The following NDRG1 variants were observed in gnomAD, a reference collection of about 807,000 sequenced individuals.
NDRG1 encodes the protein protein NDRG1.
Under a neutral mutation model 56.9 loss-of-function variants are expected in NDRG1, and 32 were observed. The observed-to-expected ratio is 0.56, with a 90% CI of 0.42 to 0.76. The LOEUF (loss-of-function observed/expected upper bound fraction) is 0.76, where lower values mean the gene tolerates loss of function less well. Among genes scored for constraint, NDRG1 ranks in the 30% least tolerant of loss-of-function variants. The probability of loss-of-function intolerance (pLI) is 0.00; values close to 1 mark genes in which losing one functional copy is unlikely to be tolerated. For missense variants in NDRG1, 507 were observed against 545.7 expected, an observed-to-expected ratio of 0.93 and a Z score of 0.71; for synonymous variants, 211 against 204.1, an observed-to-expected ratio of 1.03 and a Z score of -0.29.
intron 9 of NDRG1, among the ~76,000 whole-genome samples, chr8:133,252,038 C>G (rs1185656712): frequency 6.6e-6 from 1 of 152,318 alleles, no homozygotes; most frequent in African/African-American, 2.4e-5. Flanking sequence ...GGCGGCCCTG[C>G]CAGCGCTTGA....
rs367999203 is a variant in NDRG1 at position 133,246,603 on chromosome 8, G to A, written c.855+13C>T. The A allele has an allele frequency of 3.7e-6, 6 of 1,613,852 alleles. No individual in the cohort carries two copies. In the African/African-American group the frequency reaches 8.0e-5, roughly 22 times the overall value. On this transcript the variant is annotated intron_variant, in intron 13 of 15. Coordinates refer to ENST00000323851, the MANE Select transcript of NDRG1 (RefSeq NM_006096.4). Reference sequence around the variant, plus strand: ...GAAATAACAAACACGAACCCCCACTGTTTTCCCTGTACCTTGAGGAGAGTG... The same window carrying A: ...GAAATAACAAACACGAACCCCCACTATTTTCCCTGTACCTTGAGGAGAGTG...
intron 13 of NDRG1, 67 bp downstream of exon 13, chr8:133,246,549 T>G (rs1041672850): frequency 1.3e-6 from 2 of 1,512,752 alleles, no homozygotes; most frequent in African/African-American, 2.7e-5. Flanking sequence ...CCTAACTCAA[T>G]GTTGCAGAAA....
At position 133,295,870 on chromosome 8, in the gene NDRG1, A is replaced by T. The variant is rs547905039; in HGVS notation, c.-19+1264T>A. ...AAACCAAACAAACTGAAGTGCCCCC[A>T]GCGTCCGTGAGGAAGGGGTGTTCTT... is the stretch of plus-strand genomic sequence containing the variant. On this transcript the variant is annotated intron_variant, in intron 1 of 15. Coordinates refer to ENST00000323851, the MANE Select transcript of NDRG1 (RefSeq NM_006096.4). 2.6e-5 allele frequency among the ~76,000 whole-genome samples: 4 copies of T among 152,254 alleles called. No individual in the cohort carries two copies. The South Asian group carries it at 8.3e-4, about 32-fold the overall frequency.
At position 133,266,031 on chromosome 8, in the gene NDRG1, G is replaced by T. The variant is rs750532427; in HGVS notation, c.100-1379C>A. On this transcript the variant is annotated intron_variant, in intron 3 of 15. Coordinates refer to ENST00000323851, the MANE Select transcript of NDRG1 (RefSeq NM_006096.4). ...CAAGGCCATCAGGCTGCTGAGACCT[G>T]CCAGGTGTCAAGGCAGTGCTGAACC... Among the ~76,000 whole-genome samples, 5 of 152,276 alleles carry T rather than the reference G, an allele frequency of 3.3e-5. No individual in the cohort carries two copies. In the South Asian group the frequency reaches 1.0e-3, roughly 31 times the overall value.
intron 3 of NDRG1, 170 bp from the exon 4 acceptor site, chr8:133,264,822 G>C (rs560705821): frequency 1.3e-4 from 87 of 674,096 alleles, no homozygotes; most frequent in African/African-American, 1.2e-3. Context: ...CCACTCCAAG[G>C]ACCAGGGCTA....
intron 3 of NDRG1, among the ~76,000 whole-genome samples, chr8:133,277,699 G>C (rs537526833): frequency 6.6e-6 from 1 of 152,342 alleles, no homozygotes; most frequent in Non-Finnish European, 1.5e-5. Flanking sequence ...GATGTTACGT[G>C]TATGTTTCCA....
chr8:133,288,021 ACACT>A (rs781457841), intron 1 of NDRG1, among the ~76,000 whole-genome samples: 6 of 152,108 alleles, frequency 3.9e-5, no homozygotes, highest in Non-Finnish European at 8.8e-5. Context: ...TTTCATTCTC[ACACT>A]CAGACATTCT....
intron 3 of NDRG1, among the ~76,000 whole-genome samples, chr8:133,267,179 T>C (rs1445675078): frequency 6.6e-6 from 1 of 152,126 alleles, no homozygotes; most frequent in Non-Finnish European, 1.5e-5. Context: ...TCACCTGCCA[T>C]GTTCATCTAA....
At chr8:133,284,362 T>A (rs1299345612) in intron 1 of NDRG1, 33 bp from the exon 2 acceptor site, 1 of 1,607,050 alleles carries the variant, frequency 6.2e-7, no homozygotes, top group Non-Finnish European at 8.5e-7. Context: ...AGGTCAACAC[T>A]TCCTGCTGAG....
chr8:133,273,050 C>T (rs1172379473), intron 3 of NDRG1, among the ~76,000 whole-genome samples: 2 of 152,334 alleles, frequency 1.3e-5, no homozygotes, highest in South Asian at 2.1e-4. Context: ...TGCAGCAGAA[C>T]GGGAGCCAGA....
At position 133,238,992 on chromosome 8, in the gene NDRG1, G is replaced by A. The variant is rs772115691; in HGVS notation, c.1071C>T (p.Ser357=). ...TGTGCGAGCGGCTGCGGGTGCCCTC[G>A]CTGGTGTGGGAGCGGCTTCGGGTGC... ...SEGTRSRSHT[S]EGTRSRSHTS... The change falls in exon 16 of 16, where the codon AGC becomes AGT. Residue 357 remains serine, a synonymous_variant. Coordinates refer to ENST00000323851, the MANE Select transcript of NDRG1 (RefSeq NM_006096.4). 27 of 1,594,822 alleles carry A rather than the reference G, an allele frequency of 1.7e-5. 1 individual carries two copies. The South Asian group carries it at 2.2e-4, about 13-fold the overall frequency.
intron 13 of NDRG1, 106 bp from the exon 14 acceptor site, chr8:133,244,496 C>T: frequency 2.4e-6 from 3 of 1,276,544 alleles, no homozygotes; most frequent in Non-Finnish European, 2.2e-6. Context: ...CCCTGCCCTG[C>T]CTTGTCCTGC....
chr8:133,262,205 A>C lies in NDRG1; in HGVS notation c.206-38T>G, dbSNP rs752985447. 4 of 1,613,492 alleles carry C rather than the reference A, an allele frequency of 2.5e-6. No homozygotes were observed. The South Asian group carries it at 4.4e-5, about 18-fold the overall frequency. On this transcript the variant is annotated intron_variant, in intron 4 of 15. Coordinates refer to ENST00000323851, the MANE Select transcript of NDRG1 (RefSeq NM_006096.4). ...AGTGAGGGAGAGAAGAGAAAAAAGT[A>C]AGATGAGAAAAAAATTAGGTGTCTC... is the stretch of plus-strand genomic sequence containing the variant.
intron 8 of NDRG1, 137 bp from the exon 9 acceptor site, chr8:133,254,732 T>C (rs1392492277): frequency 2.0e-5 from 16 of 817,718 alleles, no homozygotes; most frequent in Admixed American, 1.4e-4. Flanking sequence ...GACATCCCCC[T>C]TGATAGAAAC....
chr8:133,287,906 G>A (rs1332926335), intron 1 of NDRG1, among the ~76,000 whole-genome samples: 2 of 152,112 alleles, frequency 1.3e-5, no homozygotes, highest in Non-Finnish European at 2.9e-5. Context: ...ATGTCAGTTG[G>A]ATGCATTCTT....
At chr8:133,250,960 G>T (rs1324142938) in intron 9 of NDRG1, among the ~76,000 whole-genome samples, 1 of 151,310 alleles carries the variant, frequency 6.6e-6, no homozygotes, top group Non-Finnish European at 1.5e-5. Context: ...TACTTCACTA[G>T]GTTGTAGGAC....
Position 133,262,051 on chromosome 8 carries a change from C to A in NDRG1, c.322G>T (p.Ala108Ser). ...GQQDGAASFP[A>S]GYMYPSMDQL... Reference sequence around the variant, plus strand: ...ATAGGGCAAGAGGCCTCTCACCCTGCGGGGAAGGAGGCTGCGCCGTCCTGC... The same window carrying A: ...ATAGGGCAAGAGGCCTCTCACCCTGAGGGGAAGGAGGCTGCGCCGTCCTGC... The change falls in exon 5 of 16, where the codon GCA (alanine) becomes TCA (serine). Residue 108 changes from alanine to serine, a missense_variant. Transcript: ENST00000323851. 1.9e-6 allele frequency: 3 copies of A among 1,611,158 alleles called. No individual in the cohort carries two copies. The highest frequency in any genetic ancestry group is 2.5e-6 in the Non-Finnish European group (3 of 1,178,262).
chr8:133,247,175 T>G (rs555673663), intron 12 of NDRG1, among the ~76,000 whole-genome samples: 1 of 152,326 alleles, frequency 6.6e-6, no homozygotes, highest in Non-Finnish European at 1.5e-5. Flanking sequence ...ATGCTTAAAG[T>G]AAAACTATCA....
chr8:133,259,276 C>T (rs376646094), intron 5 of NDRG1, 46 bp from the exon 6 acceptor site: 32 of 1,588,668 alleles, frequency 2.0e-5, no homozygotes, highest in East Asian at 8.9e-5. Context: ...CGGACAGAAA[C>T]GGGTAATCCA....
Sources: gnomAD v4.1 joint callset for allele counts (sites outside exome capture counted in the v4.1 genomes callset) on GRCh38, gnomAD v4.1.1 for gene constraint, MANE v1.5 for transcripts, NCBI Gene and HGNC (gene_info 2026-07-23, HGNC 2026-07-21) for gene names.